FBXW7: variants seen among roughly 807,000 people sequenced by gnomAD.
FBXW7 encodes the protein F-box/WD repeat-containing protein 7.
A neutral mutation model predicts 86.3 loss-of-function variants in FBXW7; 11 were observed. The observed-to-expected ratio is 0.13, with a 90% CI of 0.08 to 0.21. The LOEUF (loss-of-function observed/expected upper bound fraction) is 0.21, where lower values mean the gene tolerates loss of function less well. Ranked by LOEUF, FBXW7 falls within the 10% of genes least tolerant of loss-of-function variation. The probability of loss-of-function intolerance (pLI) is 1.00; values close to 1 mark genes in which losing one functional copy is unlikely to be tolerated. For synonymous variants in FBXW7, 313 were observed against 297.9 expected (o/e 1.05, Z -0.52); for missense variants, 488 against 847.4 (o/e 0.58, Z 5.27).
At position 152,328,208 on chromosome 4, in the gene FBXW7, CT is replaced by C; in HGVS notation, c.1417del (p.Arg473GlufsTer25). On this transcript the variant is annotated frameshift_variant and splice_region_variant, in exon 11 of 14. Transcript: ENST00000281708. LOFTEE classifies it high-confidence loss of function. ...TVRCMHLHEK[R>X]VVSGSRDATL... is the part of the protein sequence containing the mutation. The stretch of plus-strand genomic sequence containing the variant: ...CAACCATGACAAGATTTTCCCTTAC[CT>C]TTTTTCATGAAGATGCATACAACGC... The C allele has an allele frequency of 1.9e-6, 3 of 1,581,498 alleles. No individual in the cohort carries two copies. Among genetic ancestry groups the C allele is most frequent in the Admixed American group, 3.7e-5 (2 of 54,550 alleles).
Position 152,401,267 on chromosome 4 carries a change from T to C in FBXW7, c.501+10036A>G, listed in dbSNP as rs185066414. Among the ~76,000 whole-genome samples, 8 of 152,338 alleles carry C rather than the reference T, an allele frequency of 5.3e-5. No individual in the cohort carries two copies. In the East Asian group the frequency reaches 1.5e-3, roughly 29 times the overall value. On this transcript the variant is annotated intron_variant, in intron 4 of 13. Coordinates refer to ENST00000281708, the MANE Select transcript of FBXW7 (RefSeq NM_001349798.2). The stretch of plus-strand genomic sequence containing the variant: ...TTTTCACAAGCAGCTATATTCATAA[T>C]TGCCAATTATGTGGAAGCAACCAAG...
At chr4:152,494,755 G>A (rs370425892) in intron 2 of FBXW7, among the ~76,000 whole-genome samples, 1 of 152,170 alleles carries the variant, frequency 6.6e-6, no homozygotes, top group Admixed American at 6.5e-5. Flanking sequence ...CCCAGAATAA[G>A]TAAAATCTAC....
chr4:152,333,594 T>G (rs1443846531), intron 7 of FBXW7, among the ~76,000 whole-genome samples: 1 of 152,148 alleles, frequency 6.6e-6, no homozygotes, highest in East Asian at 1.9e-4. Flanking sequence ...ATAGAGCAAT[T>G]AAGTTCAGTT....
At position 152,322,791 on chromosome 4, in the gene FBXW7, T is replaced by C. The variant is rs1728658341; in HGVS notation, c.*90A>G. On this transcript the variant is annotated 3_prime_UTR_variant, in exon 14 of 14. Transcript: ENST00000281708. ...TGCACCACTGAGAACAAGGGATTTT[T>C]TTCTTTTTCTTTTCTTTTTTTCTTT... 6.4e-7 allele frequency: 1 copy of C among 1,551,340 alleles called. No homozygotes were observed. The highest frequency in any genetic ancestry group is 2.3e-5 in the East Asian group (1 of 44,270).
intron 4 of FBXW7, among the ~76,000 whole-genome samples, chr4:152,372,417 G>C (rs567079076): frequency 1.3e-5 from 2 of 151,928 alleles, no homozygotes; most frequent in Non-Finnish European, 2.9e-5. Flanking sequence ...GTAACAGAGT[G>C]CATATACTAT....
At chr4:152,433,343 A>G (rs1360292013) in intron 2 of FBXW7, among the ~76,000 whole-genome samples, 3 of 152,212 alleles carry the variant, frequency 2.0e-5, no homozygotes, top group Non-Finnish European at 2.9e-5. Flanking sequence ...AGAGAGTTTC[A>G]GCTGCTTCCT....
In FBXW7 at chr4:152,408,386, A is replaced by T. The variant is rs146630656; in HGVS notation, c.501+2917T>A. On this transcript the variant is annotated intron_variant, in intron 4 of 13. Coordinates refer to ENST00000281708, the MANE Select transcript of FBXW7 (RefSeq NM_001349798.2). ...ATAAGGATGTTGAGAATGAGAGTTA[A>T]AACTGAAGAGACAGACATTTGTATC... Among the ~76,000 whole-genome samples the T allele has an allele frequency of 3.4e-4, 52 of 152,346 alleles. No individual in the cohort carries two copies. In the Middle Eastern group the frequency reaches 0.014, roughly 40 times the overall value.
intron 2 of FBXW7, among the ~76,000 whole-genome samples, chr4:152,485,411 T>G (rs1745252370): frequency 6.6e-6 from 1 of 152,164 alleles, no homozygotes; most frequent in Non-Finnish European, 1.5e-5. Context: ...TTATTATTAG[T>G]AGTGGTATTG....
intron 2 of FBXW7, among the ~76,000 whole-genome samples, chr4:152,460,277 T>C (rs190894995): frequency 1.4e-4 from 21 of 152,308 alleles, no homozygotes; most frequent in African/African-American, 4.3e-4. Flanking sequence ...ATATTAAAAA[T>C]TGTACAATAT....
At chr4:152,510,042 A>G (rs1747814666) in intron 2 of FBXW7, among the ~76,000 whole-genome samples, 1 of 152,192 alleles carries the variant, frequency 6.6e-6, no homozygotes, top group Non-Finnish European at 1.5e-5. Flanking sequence ...CACTTACCTA[A>G]ATATAGCCAT....
At chr4:152,492,027 G>A (rs1262201878) in intron 2 of FBXW7, among the ~76,000 whole-genome samples, 2 of 152,082 alleles carry the variant, frequency 1.3e-5, no homozygotes, top group Non-Finnish European at 2.9e-5. Context: ...GGCCCCTTAT[G>A]CACCCTCCCA....
intron 2 of FBXW7, among the ~76,000 whole-genome samples, chr4:152,463,215 A>C (rs901780153): frequency 1.6e-4 from 25 of 151,950 alleles, no homozygotes; most frequent in Admixed American, 1.1e-3. Context: ...TGAATCCAGG[A>C]GGCAGAGGTT....
intron 4 of FBXW7, chr4:152,382,199 CA>C: frequency 1.3e-6 from 2 of 1,549,088 alleles, no homozygotes; most frequent in South Asian, 1.3e-5. Context: ...CCGTCTTCGA[CA>C]AAAAGGGAGG....
rs575393219 is a variant in FBXW7, at chr4:152,417,713, C to T, written c.-119-5184G>A. On this transcript the variant is annotated intron_variant, in intron 2 of 13. Transcript: ENST00000281708. ...ATGTCAAAGGCTGAAGAGGAGGGTG[C>T]AGTGGCCACAGTGGTACCCTACTCA... Among the ~76,000 whole-genome samples, 9 of 152,164 alleles carry T rather than the reference C, an allele frequency of 5.9e-5. No homozygotes were observed. The South Asian group carries it at 1.9e-3, about 32-fold the overall frequency.
intron 2 of FBXW7, among the ~76,000 whole-genome samples, chr4:152,415,090 G>A (rs1377674669): frequency 6.6e-6 from 1 of 152,020 alleles, no homozygotes; most frequent in Admixed American, 6.6e-5. Context: ...GCTTATTCTA[G>A]GAATGCTTAG....
Position 152,536,027 on chromosome 4 carries a change from C to T in FBXW7, c.-1113G>A. ...GCGGCGGCGGCGGCAGCGGCAGCGG[C>T]AGCGCCCGGAGCTCAGCTCGCTGTC... On this transcript the variant is annotated 5_prime_UTR_variant, in exon 1 of 14. Coordinates refer to ENST00000281708, the MANE Select transcript of FBXW7 (RefSeq NM_001349798.2). The T allele has an allele frequency of 4.5e-6, 1 of 220,042 alleles. No individual in the cohort carries two copies. The highest frequency in any genetic ancestry group is 8.9e-6 in the Non-Finnish European group (1 of 112,610). The allele number at this position is 220,042 out of a possible 1,614,324, so 13.6% of individuals were successfully genotyped here.
intron 2 of FBXW7, among the ~76,000 whole-genome samples, chr4:152,474,631 T>TGTATTCAATAGA (rs1249410980): frequency 7.9e-5 from 12 of 152,208 alleles, no homozygotes; most frequent in Admixed American, 5.9e-4. Flanking sequence ...AATTGAATCC[T>TGTATTCAATAGA]ATTATCTTGT....
chr4:152,535,924 G>A lies in FBXW7; in HGVS notation c.-1010C>T. ...GCGGCCGCGGCTCCCGCTGGCCCAG[G>A]TGAGAGCGAAGGTCTCGGCGGCGGC... is the stretch of plus-strand genomic sequence containing the variant. On this transcript the variant is annotated 5_prime_UTR_variant, in exon 1 of 14. Transcript: ENST00000281708. 1 of 335,404 alleles carries A rather than the reference G, an allele frequency of 3.0e-6. No homozygotes were observed. The highest frequency in any genetic ancestry group is 4.5e-5 in the East Asian group (1 of 22,268). 20.8% of individuals were successfully genotyped at this position (335,404 alleles called of 1,614,324 possible).
At chr4:152,489,026 A>T (rs1745602035) in intron 2 of FBXW7, among the ~76,000 whole-genome samples, 1 of 152,104 alleles carries the variant, frequency 6.6e-6, no homozygotes, top group South Asian at 2.1e-4. Context: ...GAGCTTAGAC[A>T]GGATTTTTTA....
Sources: allele counts gnomAD v4.1 joint callset (sites outside exome capture counted in the v4.1 genomes callset), GRCh38; gene constraint gnomAD v4.1.1; transcripts MANE v1.5; gene names NCBI Gene and HGNC (gene_info 2026-07-23, HGNC 2026-07-21).